NLGN1: variants seen among roughly 807,000 people sequenced by gnomAD.
NLGN1 encodes the protein neuroligin 1, also known as neuroligin-1.
A neutral mutation model predicts 65.5 loss-of-function variants in NLGN1; 12 were observed. The observed-to-expected ratio is 0.18, with a 90% CI of 0.12 to 0.30. NLGN1 has a LOEUF of 0.30. NLGN1 is among the 10% of genes least tolerant of loss of function. NLGN1 has a pLI of 1.00. For missense variants in NLGN1, 750 were observed against 1,007.1 expected, an observed-to-expected ratio of 0.74 and a Z score of 3.46; for synonymous variants, 350 against 359.5, an observed-to-expected ratio of 0.97 and a Z score of 0.30.
chr3:174,248,620 G>A (rs1372955790), intron 4 of NLGN1, among the ~76,000 whole-genome samples: 1 of 152,152 alleles, frequency 6.6e-6, no homozygotes, highest in Non-Finnish European at 1.5e-5. Flanking sequence ...AATTAGCTGG[G>A]TGTGGTGGCA....
At chr3:174,191,437 C>T (rs1160877990) in intron 4 of NLGN1, among the ~76,000 whole-genome samples, 1 of 152,170 alleles carries the variant, frequency 6.6e-6, no homozygotes, top group African/African-American at 2.4e-5. Flanking sequence ...TCAAATTACA[C>T]AGCTAATAAG....
chr3:174,084,651 A>T (rs1222303964), intron 4 of NLGN1, among the ~76,000 whole-genome samples: 1 of 152,082 alleles, frequency 6.6e-6, no homozygotes, highest in Non-Finnish European at 1.5e-5. Flanking sequence ...CTAAATAATG[A>T]TAGAGTGATA....
chr3:173,716,740 T>G (rs979350743), intron 3 of NLGN1, among the ~76,000 whole-genome samples: 1 of 152,048 alleles, frequency 6.6e-6, no homozygotes, highest in African/African-American at 2.4e-5. Context: ...AAGAGAAAGC[T>G]GCATAATGTA....
At chr3:174,063,844 G>C (rs751627922) in intron 4 of NLGN1, among the ~76,000 whole-genome samples, 2 of 152,028 alleles carry the variant, frequency 1.3e-5, no homozygotes, top group Non-Finnish European at 2.9e-5. Flanking sequence ...AATAGTAAAA[G>C]GGTTAGAAGT....
At chr3:174,077,764 C>T (rs2152544010) in intron 4 of NLGN1, among the ~76,000 whole-genome samples, 1 of 152,226 alleles carries the variant, frequency 6.6e-6, no homozygotes, top group East Asian at 1.9e-4. Flanking sequence ...CCATGTTGGT[C>T]AGGCTGGTCT....
intron 3 of NLGN1, among the ~76,000 whole-genome samples, chr3:173,734,423 G>A (rs1365683215): frequency 6.0e-5 from 5 of 83,974 alleles, no homozygotes; most frequent in Admixed American, 1.8e-4. Flanking sequence ...TAGAAACAGG[G>A]TTTCACCCTG....
chr3:174,225,277 G>T (rs570218126), intron 4 of NLGN1, among the ~76,000 whole-genome samples: 2 of 152,134 alleles, frequency 1.3e-5, no homozygotes, highest in Middle Eastern at 3.4e-3. Flanking sequence ...ACGCTTCCAG[G>T]GATCTCATGT....
At chr3:173,569,204 A>G (rs1433826829) in intron 2 of NLGN1, among the ~76,000 whole-genome samples, 2 of 152,160 alleles carry the variant, frequency 1.3e-5, no homozygotes, top group Non-Finnish European at 2.9e-5. Context: ...TAAAATTATT[A>G]TATTTAGTTT....
intron 2 of NLGN1, among the ~76,000 whole-genome samples, chr3:173,527,700 T>C (rs1438725543): frequency 6.6e-6 from 1 of 152,176 alleles, no homozygotes; most frequent in Non-Finnish European, 1.5e-5. Flanking sequence ...CCTGTCCCCA[T>C]TTTTAAATTA....
intron 4 of NLGN1, among the ~76,000 whole-genome samples, chr3:173,999,548 G>A (rs1411841166): frequency 6.6e-6 from 1 of 152,074 alleles, no homozygotes; most frequent in Non-Finnish European, 1.5e-5. Context: ...ACAAATAATG[G>A]AAGTTTCATA....
chr3:173,535,327 C>A (rs1737258448), intron 2 of NLGN1, among the ~76,000 whole-genome samples: 1 of 152,136 alleles, frequency 6.6e-6, no homozygotes, highest in Non-Finnish European at 1.5e-5. Flanking sequence ...CATATGAAGG[C>A]ACTTTTGATG....
At chr3:173,726,324 A>G (rs1771771755) in intron 3 of NLGN1, among the ~76,000 whole-genome samples, 1 of 151,912 alleles carries the variant, frequency 6.6e-6, no homozygotes, top group Non-Finnish European at 1.5e-5. Flanking sequence ...CATGAGCACT[A>G]TTCTTAATAC....
At chr3:173,973,674 T>C (rs1156247022) in intron 4 of NLGN1, among the ~76,000 whole-genome samples, 2 of 152,190 alleles carry the variant, frequency 1.3e-5, no homozygotes, top group East Asian at 3.9e-4. Context: ...CCAGTGCATT[T>C]GAAAGAAATG....
At chr3:174,039,068 G>A (rs1206755362) in intron 4 of NLGN1, among the ~76,000 whole-genome samples, 7 of 152,016 alleles carry the variant, frequency 4.6e-5, no homozygotes, top group African/African-American at 9.7e-5. Flanking sequence ...TTCGCTTAGC[G>A]AGCTCTAATT....
chr3:173,524,056 G>T (rs1210505322), intron 2 of NLGN1, among the ~76,000 whole-genome samples: 1 of 150,256 alleles, frequency 6.7e-6, no homozygotes, highest in African/African-American at 2.4e-5. Context: ...GAGTAGCTGG[G>T]ACTACAGGCA....
intron 2 of NLGN1, among the ~76,000 whole-genome samples, chr3:173,451,340 G>T (rs1721479136): frequency 6.6e-6 from 1 of 152,178 alleles, no homozygotes; most frequent in South Asian, 2.1e-4. Flanking sequence ...GACCCTGTTT[G>T]CCTGGGTATC....
chr3:173,934,629 G>C (rs554905668), intron 4 of NLGN1, among the ~76,000 whole-genome samples: 37 of 151,826 alleles, frequency 2.4e-4, no homozygotes, highest in Non-Finnish European at 4.9e-4. Context: ...ATCTTCCCCT[G>C]ATCTTTTACA....
chr3:173,754,835 T>G (rs2150175633), intron 3 of NLGN1, among the ~76,000 whole-genome samples: 1 of 144,454 alleles, frequency 6.9e-6, no homozygotes, highest in South Asian at 2.2e-4. Context: ...GTCCAGAAAG[T>G]CACTATTTTT....
In NLGN1 at chr3:173,951,485, C is replaced by T. The variant is rs191011643; in HGVS notation, c.646+143653C>T. 3.6e-3 allele frequency among the ~76,000 whole-genome samples: 518 copies of T among 143,248 alleles called. 1 individual carries two copies. The highest frequency in any genetic ancestry group is 0.013 in the African/African-American group (488 of 38,314). 94.0% of individuals were successfully genotyped at this position (143,248 alleles called of 152,430 possible). On this transcript the variant is annotated intron_variant, in intron 4 of 6. Coordinates refer to ENST00000457714, the Ensembl canonical transcript of NLGN1. ...TTTTTTTTTTTTCTTTGTTTTGAGA[C>T]GGAGTCTTGCTCTGTCGCCCAGGCT...
Sources: gnomAD v4.1 joint callset for allele counts (sites outside exome capture counted in the v4.1 genomes callset) on GRCh38, gnomAD v4.1.1 for gene constraint, MANE v1.5 for transcripts, NCBI Gene and HGNC (gene_info 2026-07-23, HGNC 2026-07-21) for gene names.